Variants in CTNNA3 observed in about 807,000 individuals in gnomAD.
The protein encoded by CTNNA3 is catenin alpha-3.
In CTNNA3, 76 loss-of-function variants were observed where a neutral mutation model predicts 95.7. The ratio of observed to expected loss-of-function variants is 0.79; its 90% CI spans 0.66 to 0.96. The LOEUF (loss-of-function observed/expected upper bound fraction) is 0.96, where lower values mean the gene tolerates loss of function less well. Ranked by LOEUF, CTNNA3 falls within the 40% of genes least tolerant of loss-of-function variation. CTNNA3 has a pLI of 0.00. For missense variants in CTNNA3, 1,191 were observed against 1,089.8 expected, an observed-to-expected ratio of 1.09 and a Z score of -1.31; for synonymous variants, 431 against 374.4, an observed-to-expected ratio of 1.15 and a Z score of -1.74.
At chr10:67,186,588 T>G (rs543851966) in intron 6 of CTNNA3, among the ~76,000 whole-genome samples, 1 of 152,306 alleles carries the variant, frequency 6.6e-6, no homozygotes, top group Admixed American at 6.5e-5. Context: ...TTTTTTAAAG[T>G]AAATCAAATG....
intron 9 of CTNNA3, among the ~76,000 whole-genome samples, chr10:66,710,469 G>T (rs1418124002): frequency 3.3e-5 from 5 of 151,748 alleles, no homozygotes; most frequent in African/African-American, 1.2e-4. Context: ...ATGCTCCACT[G>T]CTAGAATGAT....
intron 11 of CTNNA3, among the ~76,000 whole-genome samples, chr10:66,507,767 T>C (rs1236218189): frequency 6.6e-6 from 1 of 152,136 alleles, no homozygotes; most frequent in Non-Finnish European, 1.5e-5. Flanking sequence ...GACATTTAGG[T>C]TCATTCCATA....
intron 16 of CTNNA3, among the ~76,000 whole-genome samples, chr10:65,968,891 A>G (rs2078035364): frequency 6.6e-6 from 1 of 152,176 alleles, no homozygotes. Context: ...ACCGGTGCTC[A>G]TGCCTGCCCT....
At chr10:66,340,443 T>C (rs929805855) in intron 12 of CTNNA3, among the ~76,000 whole-genome samples, 1 of 151,812 alleles carries the variant, frequency 6.6e-6, no homozygotes, top group Non-Finnish European at 1.5e-5. Context: ...AGCTGTTTGT[T>C]TGTTTTACGT....
chr10:66,172,510 G>A (rs746031072), intron 13 of CTNNA3, among the ~76,000 whole-genome samples: 2 of 151,752 alleles, frequency 1.3e-5, no homozygotes, highest in Non-Finnish European at 2.9e-5. Context: ...ATGTATGTGT[G>A]TATATATATT....
At chr10:66,645,109 T>C (rs189150667) in intron 9 of CTNNA3, among the ~76,000 whole-genome samples, 106 of 152,284 alleles carry the variant, frequency 7.0e-4, no homozygotes, top group African/African-American at 2.4e-3. Flanking sequence ...TGCTGAGTAG[T>C]ATTCCATGGT....
intron 1 of CTNNA3, among the ~76,000 whole-genome samples, chr10:67,720,621 G>A (rs767365301): frequency 6.6e-6 from 1 of 151,926 alleles, no homozygotes. Flanking sequence ...TGAAGCTTAG[G>A]TTGGCTAGAT....
intron 7 of CTNNA3, among the ~76,000 whole-genome samples, chr10:66,865,213 C>CGTGT (rs3055786): frequency 0.037 from 5,253 of 143,880 alleles, 271 homozygotes; most frequent in African/African-American, 0.13. Flanking sequence ...TGTGTGTGTG[C>CGTGT]GTGTGTGTGT....
At chr10:67,726,434 T>TAATATATAATATTATATATG (rs1841221183) in intron 1 of CTNNA3, among the ~76,000 whole-genome samples, 1 of 67,988 alleles carries the variant, frequency 1.5e-5, no homozygotes, top group African/African-American at 6.3e-5. Context: ...TATTATATCA[T>TAATATATAATATTATATATG]ATATAATATA....
intron 9 of CTNNA3, among the ~76,000 whole-genome samples, chr10:66,655,474 A>T (rs931621310): frequency 6.6e-6 from 1 of 152,040 alleles, no homozygotes; most frequent in Non-Finnish European, 1.5e-5. Context: ...AAAATACAAC[A>T]AGGTATCTGG....
intron 7 of CTNNA3, among the ~76,000 whole-genome samples, chr10:66,875,395 T>TAAAA (rs76999620): frequency 6.8e-6 from 1 of 146,890 alleles, no homozygotes; most frequent in African/African-American, 2.5e-5. Flanking sequence ...CACTGTTATT[T>TAAAA]AAAAAAAAAA....
chr10:67,092,150 G>C (rs748102835), intron 7 of CTNNA3, among the ~76,000 whole-genome samples: 20 of 151,916 alleles, frequency 1.3e-4, no homozygotes, highest in Non-Finnish European at 2.6e-4. Context: ...ACTGTATGCA[G>C]ATGATCAAAA....
intron 7 of CTNNA3, among the ~76,000 whole-genome samples, chr10:66,785,733 A>G (rs1840714379): frequency 6.6e-6 from 1 of 152,118 alleles, no homozygotes; most frequent in African/African-American, 2.4e-5. Context: ...TTATAATCAC[A>G]TAAGCCAATT....
intron 5 of CTNNA3, among the ~76,000 whole-genome samples, chr10:67,493,414 T>G (rs1356857216): frequency 6.6e-6 from 1 of 151,874 alleles, no homozygotes; most frequent in Non-Finnish European, 1.5e-5. Context: ...TACAAAAAAT[T>G]AGCTGGGCGT....
chr10:67,330,445 C>T (rs1275612120), intron 5 of CTNNA3, among the ~76,000 whole-genome samples: 2 of 152,088 alleles, frequency 1.3e-5, no homozygotes, highest in African/African-American at 4.8e-5. Context: ...TTAATCAGTT[C>T]GTACATATAA....
intron 7 of CTNNA3, among the ~76,000 whole-genome samples, chr10:66,945,141 A>T (rs1472206746): frequency 6.6e-6 from 1 of 152,082 alleles, no homozygotes; most frequent in Non-Finnish European, 1.5e-5. Flanking sequence ...CCAGGCATTG[A>T]CTTCTCCTCT....
At chr10:67,636,307 G>GA (rs1332934995) in intron 2 of CTNNA3, among the ~76,000 whole-genome samples, 4 of 151,820 alleles carry the variant, frequency 2.6e-5, no homozygotes, top group African/African-American at 4.8e-5. Context: ...CACAGAATTA[G>GA]AAAAAAAACT....
chr10:66,332,361 A>T (rs1219033335), intron 12 of CTNNA3, among the ~76,000 whole-genome samples: 1 of 150,598 alleles, frequency 6.6e-6, no homozygotes, highest in Admixed American at 6.6e-5. Flanking sequence ...TTGCCCATTG[A>T]GTATGATATT....
At chr10:66,814,158 T>C (rs919041971) in intron 7 of CTNNA3, among the ~76,000 whole-genome samples, 1 of 151,678 alleles carries the variant, frequency 6.6e-6, no homozygotes, top group Non-Finnish European at 1.5e-5. Context: ...AGGAAAGGTA[T>C]TGGGGCCCGG....
Sources: allele counts gnomAD v4.1 joint callset (sites outside exome capture counted in the v4.1 genomes callset), GRCh38; gene constraint gnomAD v4.1.1; transcripts MANE v1.5; gene names NCBI Gene and HGNC (gene_info 2026-07-23, HGNC 2026-07-21).